SDK1: variants seen among roughly 807,000 people sequenced by gnomAD.
SDK1 encodes the protein sidekick cell adhesion molecule 1.
SDK1 carries 157 observed loss-of-function variants against 245.5 expected under a neutral mutation model. That is an observed-to-expected ratio of 0.64 (90% confidence interval 0.56 to 0.73). The LOEUF (loss-of-function observed/expected upper bound fraction) is 0.73, where lower values mean the gene tolerates loss of function less well. Ranked by LOEUF, SDK1 falls within the 30% of genes least tolerant of loss-of-function variation. The pLI, the probability that SDK1 is intolerant of heterozygous loss-of-function variation, is 0.00. For synonymous variants in SDK1, 1,647 were observed against 1,278.5 expected (o/e 1.29, Z -6.15); for missense variants, 3,583 against 3,002.3 (o/e 1.19, Z -4.52).
chr7:3,673,190 C>T (rs186469560), intron 4 of SDK1, among the ~76,000 whole-genome samples: 1 of 152,116 alleles, frequency 6.6e-6, no homozygotes, highest in Admixed American at 6.5e-5. Context: ...CTGCAATACT[C>T]TCATCCTACA....
chr7:4,214,655 G>T (rs116528972), intron 38 of SDK1, among the ~76,000 whole-genome samples: 1 of 152,018 alleles, frequency 6.6e-6, no homozygotes, highest in Admixed American at 6.5e-5. Context: ...GACCCCCCAC[G>T]TTTGGGCTTG....
chr7:3,433,125 A>C (rs10228151), intron 1 of SDK1, among the ~76,000 whole-genome samples: 58,733 of 152,068 alleles, frequency 0.39, 12,675 homozygotes, highest in South Asian at 0.49. Flanking sequence ...CAAGTTGACC[A>C]GTGGATTCTA....
intron 4 of SDK1, among the ~76,000 whole-genome samples, chr7:3,758,564 G>C (rs530859091): frequency 1.8e-4 from 27 of 152,296 alleles, no homozygotes; most frequent in African/African-American, 6.0e-4. Flanking sequence ...GGCTCCTACT[G>C]TGGCCTTGAG....
rs979813456 is a variant in SDK1 at position 3,524,983 on chromosome 7, T to C, written c.299-94097T>C. Among the ~76,000 whole-genome samples, 5 of 152,216 alleles carry C rather than the reference T, an allele frequency of 3.3e-5. No homozygotes were observed. The East Asian group carries it at 5.8e-4, about 18-fold the overall frequency. On this transcript the variant is annotated intron_variant, in intron 1 of 44. Coordinates refer to ENST00000404826, the MANE Select transcript of SDK1 (RefSeq NM_152744.4). Reference sequence around the variant, plus strand: ...GTTCCACATGCACAGATTCAACCAATTGTGGATCAGAAATAGGTGGAAAAA... The same window carrying C: ...GTTCCACATGCACAGATTCAACCAACTGTGGATCAGAAATAGGTGGAAAAA...
At chr7:4,076,045 G>A (rs1780656529) in intron 20 of SDK1, among the ~76,000 whole-genome samples, 1 of 152,088 alleles carries the variant, frequency 6.6e-6, no homozygotes, top group African/African-American at 2.4e-5. Context: ...GAGTATAGGG[G>A]GAAATCAAAT....
chr7:3,758,027 G>C (rs997945291), intron 4 of SDK1, among the ~76,000 whole-genome samples: 2 of 152,132 alleles, frequency 1.3e-5, no homozygotes, highest in African/African-American at 4.8e-5. Flanking sequence ...AAGACCAAAC[G>C]TATCTTTCTC....
rs556894332 is a variant in SDK1 at position 4,192,609 on chromosome 7, T to G, written c.5099-13270T>G. Among the ~76,000 whole-genome samples, 4 of 152,256 alleles carry G rather than the reference T, an allele frequency of 2.6e-5. No homozygotes were observed. In the East Asian group the frequency reaches 7.7e-4, roughly 29 times the overall value. ...TATTCTAATTGAAGTATGTTCCGTG[T>G]TTTTTCAGAGAATGCTTTGCACATT... On this transcript the variant is annotated intron_variant, in intron 35 of 44. Transcript: ENST00000404826.
intron 4 of SDK1, among the ~76,000 whole-genome samples, chr7:3,678,059 T>G (rs1379825711): frequency 1.3e-5 from 2 of 152,188 alleles, no homozygotes; most frequent in Non-Finnish European, 2.9e-5. Context: ...GTCATGACAT[T>G]AACAGGTCAA....
At position 4,158,429 on chromosome 7, in the gene SDK1, G is replaced by C. The variant is rs368284756; in HGVS notation, c.4626-19G>C. 1.2e-6 allele frequency: 2 copies of C among 1,602,342 alleles called. No homozygotes were observed. Among genetic ancestry groups the C allele is most frequent in the South Asian group, 2.2e-5 (2 of 90,852 alleles). ...AGGGTGGCAGGGCCCCGGCAGTCACGGTCTCTTCCACATTGCAGACTGAGG... is the reference window on the plus strand; with the variant it reads ...AGGGTGGCAGGGCCCCGGCAGTCACCGTCTCTTCCACATTGCAGACTGAGG... On this transcript the variant is annotated intron_variant, in intron 30 of 44. Coordinates refer to ENST00000404826, the MANE Select transcript of SDK1 (RefSeq NM_152744.4).
rs1313828892 is a variant in SDK1, at chr7:4,241,693, G to A, written c.6131-100G>A. The A allele has an allele frequency of 5.4e-6, 8 of 1,468,534 alleles. No homozygotes were observed. In the South Asian group the frequency reaches 7.5e-5, roughly 14 times the overall value. 91.0% of individuals were successfully genotyped at this position (1,468,534 alleles called of 1,614,324 possible). On this transcript the variant is annotated intron_variant, in intron 42 of 44. Transcript: ENST00000404826. ...TCCTCAGCTCTGGGCTCTGCGTGCAGCAGGACTCAGGAGCTGCCCCGCTGG... is the reference window on the plus strand; with the variant it reads ...TCCTCAGCTCTGGGCTCTGCGTGCAACAGGACTCAGGAGCTGCCCCGCTGG...
At chr7:4,015,302 A>G (rs1786307922) in intron 16 of SDK1, among the ~76,000 whole-genome samples, 1 of 152,176 alleles carries the variant, frequency 6.6e-6, no homozygotes, top group Non-Finnish European at 1.5e-5. Flanking sequence ...TGCATTGTGT[A>G]GCGTTGGGTC....
Position 3,726,435 on chromosome 7 carries a change from T to C in SDK1, c.713+84330T>C, listed in dbSNP as rs78967387. Among the ~76,000 whole-genome samples the C allele has an allele frequency of 9.4e-3, 1,436 of 152,364 alleles. 17 individuals are homozygous for C. Among genetic ancestry groups the C allele is most frequent in the African/African-American group, 0.033 (1,370 of 41,588 alleles). On this transcript the variant is annotated intron_variant, in intron 4 of 44. Transcript: ENST00000404826. ...ACAGGAAACTGTTTTTGCAGTCTTA[T>C]GGCAAATTTTGAGGCCCAACTCTCA...
intron 4 of SDK1, among the ~76,000 whole-genome samples, chr7:3,726,457 C>T (rs1325635656): frequency 1.3e-5 from 2 of 152,196 alleles, no homozygotes; most frequent in South Asian, 4.1e-4. Context: ...AGGCCCAACT[C>T]TCACCCTTTT....
intron 1 of SDK1, among the ~76,000 whole-genome samples, chr7:3,487,760 A>AAAAAG (rs1424260045): frequency 2.7e-5 from 4 of 150,914 alleles, no homozygotes; most frequent in Non-Finnish European, 5.9e-5. Context: ...ATCTCAAAAA[A>AAAAAG]AAAAAAAAAA....
At chr7:3,344,017 C>CAAA (rs1780425541) in intron 1 of SDK1, among the ~76,000 whole-genome samples, 1 of 104,458 alleles carries the variant, frequency 9.6e-6, no homozygotes, top group African/African-American at 5.0e-5. Context: ...ACACATACAA[C>CAAA]CAAAAAAAAA....
intron 4 of SDK1, among the ~76,000 whole-genome samples, chr7:3,798,732 T>C (rs943875532): frequency 2.6e-5 from 4 of 152,300 alleles, no homozygotes; most frequent in African/African-American, 7.2e-5. Context: ...GAAGCAAGTC[T>C]CTTAGCCCGG....
At chr7:3,569,031 A>C (rs1780020004) in intron 1 of SDK1, among the ~76,000 whole-genome samples, 1 of 146,690 alleles carries the variant, frequency 6.8e-6, no homozygotes, top group Non-Finnish European at 1.5e-5. Flanking sequence ...CTAGTAACTC[A>C]TTACCATGAG....
At chr7:3,756,495 T>G (rs1340835352) in intron 4 of SDK1, among the ~76,000 whole-genome samples, 1 of 152,250 alleles carries the variant, frequency 6.6e-6, no homozygotes, top group Non-Finnish European at 1.5e-5. Context: ...TCACATGGCA[T>G]TGTGCGTGTG....
intron 1 of SDK1, among the ~76,000 whole-genome samples, chr7:3,515,277 G>C (rs1165390794): frequency 6.6e-6 from 1 of 152,098 alleles, no homozygotes; most frequent in Admixed American, 6.6e-5. Flanking sequence ...CTGTATTTTA[G>C]AAAAAGAAGA....
Sources: gnomAD v4.1 joint callset for allele counts (sites outside exome capture counted in the v4.1 genomes callset) on GRCh38, gnomAD v4.1.1 for gene constraint, MANE v1.5 for transcripts, NCBI Gene and HGNC (gene_info 2026-07-23, HGNC 2026-07-21) for gene names.